ZDHHC14: variants seen among roughly 807,000 people sequenced by gnomAD.
ZDHHC14 encodes zDHHC palmitoyltransferase 14.
ZDHHC14 carries 16 observed loss-of-function variants against 47.7 expected under a neutral mutation model. That is an observed-to-expected ratio of 0.34 (90% confidence interval 0.23 to 0.51). The LOEUF is 0.51. ZDHHC14 is among the 20% of genes least tolerant of loss of function. The pLI, the probability that ZDHHC14 is intolerant of heterozygous loss-of-function variation, is 0.97. For synonymous variants in ZDHHC14, 293 were observed against 278.9 expected (o/e 1.05, Z -0.50); for missense variants, 515 against 662.5 (o/e 0.78, Z 2.44).
At chr6:157,536,453 T>C (rs1781547320) in intron 1 of ZDHHC14, among the ~76,000 whole-genome samples, 1 of 152,242 alleles carries the variant, frequency 6.6e-6, no homozygotes, top group Admixed American at 6.5e-5. Flanking sequence ...TCTCTACTTC[T>C]TGTTCCAAAG....
At chr6:157,439,625 G>C (rs989653726) in intron 1 of ZDHHC14, among the ~76,000 whole-genome samples, 1 of 152,162 alleles carries the variant, frequency 6.6e-6, no homozygotes, top group African/African-American at 2.4e-5. Flanking sequence ...CCTAGAGCCA[G>C]AAATACCATT....
At chr6:157,570,910 A>G (rs1247234690) in intron 2 of ZDHHC14, among the ~76,000 whole-genome samples, 1 of 152,108 alleles carries the variant, frequency 6.6e-6, no homozygotes, top group Non-Finnish European at 1.5e-5. Flanking sequence ...TGTGAACATC[A>G]TAGCATCTGA....
At chr6:157,471,445 C>T (rs992804164) in intron 1 of ZDHHC14, among the ~76,000 whole-genome samples, 1 of 152,156 alleles carries the variant, frequency 6.6e-6, no homozygotes. Flanking sequence ...CCATCCAGAA[C>T]CCCCGAGGAA....
At chr6:157,462,396 T>A (rs1440457190) in intron 1 of ZDHHC14, among the ~76,000 whole-genome samples, 1 of 152,224 alleles carries the variant, frequency 6.6e-6, no homozygotes, top group African/African-American at 2.4e-5. Flanking sequence ...AACAGCAAAG[T>A]TACCTCGAGC....
At chr6:157,505,582 A>G (rs1193788436) in intron 1 of ZDHHC14, among the ~76,000 whole-genome samples, 1 of 152,194 alleles carries the variant, frequency 6.6e-6, no homozygotes, top group East Asian at 1.9e-4. Context: ...TTATGAGGGA[A>G]CAAATCATCA....
At chr6:157,620,439 A>G (rs1214449061) in intron 3 of ZDHHC14, among the ~76,000 whole-genome samples, 2 of 152,204 alleles carry the variant, frequency 1.3e-5, no homozygotes, top group African/African-American at 4.8e-5. Flanking sequence ...TTCAGAGGGG[A>G]CAAATATTCA....
intron 1 of ZDHHC14, among the ~76,000 whole-genome samples, chr6:157,404,335 A>T (rs962343872): frequency 4.6e-5 from 7 of 151,942 alleles, no homozygotes; most frequent in African/African-American, 1.7e-4. Context: ...GGGTTTTTCC[A>T]TGTTGGCCAG....
chr6:157,401,070 A>G (rs983711814), intron 1 of ZDHHC14, among the ~76,000 whole-genome samples: 1 of 152,174 alleles, frequency 6.6e-6, no homozygotes, highest in Non-Finnish European at 1.5e-5. Context: ...AGGTGCATCC[A>G]TTTCAGGGTT....
At chr6:157,643,601 T>A (rs1454695167) in intron 5 of ZDHHC14, among the ~76,000 whole-genome samples, 1 of 141,790 alleles carries the variant, frequency 7.1e-6, no homozygotes, top group Non-Finnish European at 1.5e-5. Context: ...TGAGCTGAGA[T>A]CATGCCACTG....
At chr6:157,570,786 C>CAT (rs1783069317) in intron 2 of ZDHHC14, among the ~76,000 whole-genome samples, 1 of 150,392 alleles carries the variant, frequency 6.6e-6, no homozygotes, top group African/African-American at 2.5e-5. Context: ...TATATACACA[C>CAT]ACACACACAT....
intron 2 of ZDHHC14, among the ~76,000 whole-genome samples, chr6:157,585,995 A>G (rs1239922150): frequency 6.6e-6 from 1 of 152,182 alleles, no homozygotes; most frequent in Non-Finnish European, 1.5e-5. Flanking sequence ...CATCTTGGGC[A>G]TCTCCTATGT....
At chr6:157,565,950 A>G (rs957123098) in intron 2 of ZDHHC14, among the ~76,000 whole-genome samples, 4 of 152,172 alleles carry the variant, frequency 2.6e-5, no homozygotes, top group Non-Finnish European at 4.4e-5. Context: ...CAGAACGGGG[A>G]CAATATAACT....
At chr6:157,445,915 G>A (rs148085834) in intron 1 of ZDHHC14, among the ~76,000 whole-genome samples, 10 of 152,292 alleles carry the variant, frequency 6.6e-5, no homozygotes, top group African/African-American at 2.2e-4. Flanking sequence ...CAAAGTCATC[G>A]CTGGGGCCAG....
rs1238258490 is a variant in ZDHHC14 at position 157,422,528 on chromosome 6, A to T, written c.245+40262A>T. 2.0e-5 allele frequency among the ~76,000 whole-genome samples: 3 copies of T among 152,346 alleles called. No individual in the cohort carries two copies. In the East Asian group the frequency reaches 5.8e-4, roughly 29 times the overall value. ...GGGAAGCAATCAGCTCTGATAGGAC[A>T]GTGGGAAGACCATCAGTGGCAGGTT... On this transcript the variant is annotated intron_variant, in intron 1 of 8. Coordinates refer to ENST00000359775, the MANE Select transcript of ZDHHC14 (RefSeq NM_024630.3).
intron 8 of ZDHHC14, among the ~76,000 whole-genome samples, chr6:157,658,533 A>G (rs146960563): frequency 3.2e-4 from 49 of 151,114 alleles, no homozygotes; most frequent in African/African-American, 1.1e-3. Flanking sequence ...CTAAGCCCGC[A>G]CTTGACACAG....
chr6:157,621,356 G>A (rs762149356), intron 3 of ZDHHC14, among the ~76,000 whole-genome samples: 15 of 151,628 alleles, frequency 9.9e-5, no homozygotes, highest in Middle Eastern at 3.4e-3. Flanking sequence ...AAAGCCCTAC[G>A]TTTAAAGAAA....
chr6:157,656,705 CCAAAAAAAAAAAA>C (rs200107685), intron 8 of ZDHHC14, among the ~76,000 whole-genome samples: 92 of 105,154 alleles, frequency 8.7e-4, no homozygotes, highest in East Asian at 6.1e-3. Context: ...CTTGAAGATA[CCAAAAAAAAAAAA>C]CAAAAAAAAA....
intron 1 of ZDHHC14, among the ~76,000 whole-genome samples, chr6:157,536,346 G>A (rs1001462410): frequency 8.5e-5 from 13 of 152,150 alleles, no homozygotes; most frequent in Admixed American, 7.9e-4. Flanking sequence ...CTGCAGTCAG[G>A]AGTCATGAGC....
chr6:157,511,547 C>CTATTTTTTTTTTTTT (rs1780486623), intron 1 of ZDHHC14, among the ~76,000 whole-genome samples: 1 of 114,924 alleles, frequency 8.7e-6, no homozygotes, highest in Non-Finnish European at 1.7e-5. Context: ...AGCCCGGGTA[C>CTATTTTTTTTTTTTT]TTTTTTTTTT....
Sources: allele counts gnomAD v4.1 joint callset (sites outside exome capture counted in the v4.1 genomes callset), GRCh38; gene constraint gnomAD v4.1.1; transcripts MANE v1.5; gene names NCBI Gene and HGNC (gene_info 2026-07-23, HGNC 2026-07-21).